Variants in C1GALT1 observed in about 807,000 individuals in gnomAD.
C1GALT1 encodes glycoprotein-N-acetylgalactosamine 3-beta-galactosyltransferase 1.
C1GALT1 carries 11 observed loss-of-function variants against 31.0 expected under a neutral mutation model. The observed-to-expected ratio is 0.36, with a 90% CI of 0.22 to 0.59. The LOEUF (loss-of-function observed/expected upper bound fraction) is 0.59, where lower values mean the gene tolerates loss of function less well. Among genes scored for constraint, C1GALT1 ranks in the 20% least tolerant of loss-of-function variants. The pLI is 0.79. For missense variants in C1GALT1, 424 were observed against 425.2 expected (o/e 1.00, Z 0.03); for synonymous variants, 175 against 143.6 (o/e 1.22, Z -1.56).
upstream of C1GALT1, chr7:7,178,236 G>A (rs55637396): frequency 0.053 from 12,157 of 230,778 alleles, 473 homozygotes; most frequent in East Asian, 0.18. Context: ...CCTGAGAAAT[G>A]TAGACAGACC....
chr7:7,169,690 C>A (rs1362159376), intron 2 of C1GALT1, among the ~76,000 whole-genome samples: 2 of 152,002 alleles, frequency 1.3e-5, no homozygotes, highest in Non-Finnish European at 2.9e-5. Context: ...TGAGAAGTGT[C>A]TATGCAAGTC....
intron 1 of C1GALT1, among the ~76,000 whole-genome samples, chr7:7,224,463 G>A (rs1782660930): frequency 6.7e-6 from 1 of 149,692 alleles, no homozygotes; most frequent in Non-Finnish European, 1.5e-5. Context: ...TTTTGTGGGG[G>A]TCAGGGGCGG....
In C1GALT1 at chr7:7,196,498, A is replaced by G. The variant is rs149086818; in HGVS notation, c.-18+13678A>G. 9.3e-3 allele frequency among the ~76,000 whole-genome samples: 1,422 copies of G among 152,280 alleles called. 22 individuals are homozygous for G. Among genetic ancestry groups the G allele is most frequent in the African/African-American group, 0.032 (1,318 of 41,554 alleles). On this transcript the variant is annotated intron_variant, in intron 1 of 3. Coordinates refer to ENST00000436587, the MANE Select transcript of C1GALT1 (RefSeq NM_020156.5). ...TTTGGGTTGGTTCCAAGTCTTTGCTATAGTGAATAGTGCCACAGTAAACAT... is the reference window on the plus strand; with the variant it reads ...TTTGGGTTGGTTCCAAGTCTTTGCTGTAGTGAATAGTGCCACAGTAAACAT...
intron 1 of C1GALT1, among the ~76,000 whole-genome samples, chr7:7,220,913 G>A (rs150324734): frequency 1.7e-3 from 259 of 152,274 alleles, no homozygotes; most frequent in Non-Finnish European, 2.6e-3. Context: ...TTTCTCCACT[G>A]CTTTTTAGCT....
rs562391133 is a variant in C1GALT1 at position 7,245,546 on chromosome 7, G to A, written c.*1819G>A. 6.6e-6 allele frequency: 1 copy of A among 152,274 alleles called. No individual in the cohort carries two copies. Among genetic ancestry groups the A allele is most frequent in the East Asian group, 1.9e-4 (1 of 5,186 alleles). The allele number at this position is 152,274 out of a possible 1,614,324, so 9.4% of individuals were successfully genotyped here. On this transcript the variant is annotated 3_prime_UTR_variant, in exon 4 of 4. Coordinates refer to ENST00000436587, the MANE Select transcript of C1GALT1 (RefSeq NM_020156.5). The stretch of plus-strand genomic sequence containing the variant: ...CCTCTTTGAATGGTATATTTGAGAG[G>A]ATGTTCATTTCATTGGTTAACCATG...
chr7:7,228,615 A>G (rs6944243), intron 1 of C1GALT1, among the ~76,000 whole-genome samples: 31,548 of 152,006 alleles, frequency 0.21, 3,727 homozygotes, highest in East Asian at 0.54. Context: ...AGGAAAAAAA[A>G]AAATGGGAGT....
chr7:7,162,462 T>A (rs937228402), intron 2 of C1GALT1, among the ~76,000 whole-genome samples: 16 of 151,834 alleles, frequency 1.1e-4, no homozygotes, highest in Non-Finnish European at 2.4e-4. Flanking sequence ...TTTTTATGGC[T>A]GCATGGTATT....
intron 3 of C1GALT1, among the ~76,000 whole-genome samples, chr7:7,239,801 A>G (rs1163649195): frequency 6.6e-6 from 1 of 152,190 alleles, no homozygotes; most frequent in Non-Finnish European, 1.5e-5. Context: ...TAAAGAAGAA[A>G]ATGCTATAGT....
chr7:7,200,547 C>T (rs762914720), intron 1 of C1GALT1, among the ~76,000 whole-genome samples: 26 of 152,060 alleles, frequency 1.7e-4, no homozygotes, highest in Non-Finnish European at 3.2e-4. Context: ...TGGCCTGCCT[C>T]GCTAGATTGG....
rs191758570 is a variant in C1GALT1, at chr7:7,199,346, T to C, written c.-18+16526T>C. Among the ~76,000 whole-genome samples, 235 of 152,258 alleles carry C rather than the reference T, an allele frequency of 1.5e-3. 2 individuals carry two copies. The highest frequency in any genetic ancestry group is 0.01 in the Middle Eastern group (3 of 294). ...GTTCAGTTTCCATGTAGGTGAGCGGTTTTGAGTGAGTTTCTTAATCCTGAG... is the reference window on the plus strand; with the variant it reads ...GTTCAGTTTCCATGTAGGTGAGCGGCTTTGAGTGAGTTTCTTAATCCTGAG... On this transcript the variant is annotated intron_variant, in intron 1 of 3. Transcript: ENST00000436587.
intron 1 of C1GALT1, among the ~76,000 whole-genome samples, chr7:7,207,553 GTTC>G (rs1274544460): frequency 2.0e-5 from 3 of 151,052 alleles, no homozygotes; most frequent in Non-Finnish European, 4.4e-5. Context: ...TTTTCCTTTA[GTTC>G]TTTGAGCATT....
intron 3 of C1GALT1, among the ~76,000 whole-genome samples, chr7:7,243,208 G>T (rs551555789): frequency 1.3e-5 from 2 of 152,252 alleles, no homozygotes; most frequent in East Asian, 3.9e-4. Flanking sequence ...ATTTCTCCTT[G>T]TATAGCTGCT....
chr7:7,206,746 A>G (rs889750982), intron 1 of C1GALT1, among the ~76,000 whole-genome samples: 3 of 146,082 alleles, frequency 2.1e-5, no homozygotes, highest in Admixed American at 6.8e-5. Context: ...TGTAGGATTC[A>G]TGGTTGGCAT....
intron 2 of C1GALT1, among the ~76,000 whole-genome samples, chr7:7,176,828 T>C (rs1225444306): frequency 6.6e-6 from 1 of 152,184 alleles, no homozygotes; most frequent in African/African-American, 2.4e-5. Flanking sequence ...GTTTAGAAAA[T>C]GTTCTCTTAG....
At chr7:7,240,965 C>A (rs746780545) in intron 3 of C1GALT1, among the ~76,000 whole-genome samples, 1 of 151,906 alleles carries the variant, frequency 6.6e-6, no homozygotes, top group Non-Finnish European at 1.5e-5. Flanking sequence ...GAAAGAGTTA[C>A]ATTCCTAAAT....
chr7:7,179,700 A>G (rs1161128560), upstream of C1GALT1, among the ~76,000 whole-genome samples: 2 of 152,182 alleles, frequency 1.3e-5, no homozygotes, highest in South Asian at 2.1e-4. Context: ...CAACAAATCC[A>G]GAAGTGGATA....
rs1369182001 is a variant in C1GALT1 at position 7,246,031 on chromosome 7, A to T, written c.*2304A>T. On this transcript the variant is annotated 3_prime_UTR_variant, in exon 4 of 4. Coordinates refer to ENST00000436587, the MANE Select transcript of C1GALT1 (RefSeq NM_020156.5). ...TTGTATTATTATTCTGTTACCTTGGAGTGTAAGTACTGCATTTAAGTGAAT... is the reference window on the plus strand; with the variant it reads ...TTGTATTATTATTCTGTTACCTTGGTGTGTAAGTACTGCATTTAAGTGAAT... 2 of 152,222 alleles carry T rather than the reference A, an allele frequency of 1.3e-5. No homozygotes were observed. The highest frequency in any genetic ancestry group is 1.5e-5 in the Non-Finnish European group (1 of 68,044). The allele number at this position is 152,222 out of a possible 1,614,324, so 9.4% of individuals were successfully genotyped here.
intron 1 of C1GALT1, among the ~76,000 whole-genome samples, chr7:7,232,970 A>C (rs1031326022): frequency 1.3e-5 from 2 of 152,234 alleles, no homozygotes; most frequent in Non-Finnish European, 2.9e-5. Context: ...TTTAAAATGA[A>C]ATAATGTATG....
chr7:7,204,068 A>G (rs923330623), intron 1 of C1GALT1, among the ~76,000 whole-genome samples: 22 of 148,098 alleles, frequency 1.5e-4, no homozygotes, highest in Non-Finnish European at 3.0e-5. Flanking sequence ...GCCTCACAGA[A>G]TAAGTCAGGA....
Sources: gnomAD v4.1 joint callset for allele counts (sites outside exome capture counted in the v4.1 genomes callset) on GRCh38, gnomAD v4.1.1 for gene constraint, MANE v1.5 for transcripts, NCBI Gene and HGNC (gene_info 2026-07-23, HGNC 2026-07-21) for gene names.